Variants in MYO10 observed in about 807,000 individuals in gnomAD.
The protein encoded by MYO10 is unconventional myosin-X.
MYO10 carries 133 observed loss-of-function variants against 257.3 expected under a neutral mutation model. The observed-to-expected ratio is 0.52, with a 90% confidence interval of 0.45 to 0.60. The LOEUF is 0.60. MYO10 is among the 20% of genes least tolerant of loss of function. The probability of loss-of-function intolerance (pLI) is 0.00; values close to 1 mark genes in which losing one functional copy is unlikely to be tolerated. For missense variants in MYO10, 2,399 were observed against 2,635.7 expected (o/e 0.91, Z 1.97); for synonymous variants, 1,104 against 1,028.6 (o/e 1.07, Z -1.40).
intron 19 of MYO10, among the ~76,000 whole-genome samples, chr5:16,711,511 C>A (rs1431841710): frequency 6.6e-6 from 1 of 152,188 alleles, no homozygotes; most frequent in Non-Finnish European, 1.5e-5. Flanking sequence ...CAGCCGGGCA[C>A]GGTGGCTCGC....
chr5:16,836,840 A>G lies in MYO10; in HGVS notation c.121-18673T>C, dbSNP rs564271054. 9.8e-5 allele frequency among the ~76,000 whole-genome samples: 15 copies of G among 152,330 alleles called. No individual in the cohort carries two copies. In the South Asian group the frequency reaches 3.1e-3, roughly 32 times the overall value. On this transcript the variant is annotated intron_variant, in intron 2 of 40. Transcript: ENST00000513610. ...CCATATGATCCAGCAATTCACTCCT[A>G]GATATATACCCAAGAAAAATAAAAA...
At chr5:16,748,173 G>A (rs1257984162) in intron 19 of MYO10, among the ~76,000 whole-genome samples, 2 of 152,146 alleles carry the variant, frequency 1.3e-5, no homozygotes, top group East Asian at 3.9e-4. Flanking sequence ...AGGCTCGGAT[G>A]ATCCTCCCAC....
chr5:16,818,407 T>TATATATATATAC (rs1561000883), intron 2 of MYO10, among the ~76,000 whole-genome samples: 1 of 88,626 alleles, frequency 1.1e-5, no homozygotes, highest in African/African-American at 4.1e-5. Flanking sequence ...TGTGTGTGTG[T>TATATATATATAC]GTGTATATAT....
chr5:16,924,107 C>A (rs2016983), intron 1 of MYO10, among the ~76,000 whole-genome samples: 73,614 of 151,876 alleles, frequency 0.48, 18,322 homozygotes, highest in African/African-American at 0.58. Flanking sequence ...TAAAGTAAAA[C>A]TCCATACAAA....
intron 32 of MYO10, among the ~76,000 whole-genome samples, chr5:16,681,069 T>A (rs1736974098): frequency 6.6e-6 from 1 of 152,218 alleles, no homozygotes; most frequent in South Asian, 2.1e-4. Context: ...GCCCTGCATC[T>A]GTTGACATTT....
At position 16,708,428 on chromosome 5, in the gene MYO10, T is replaced by C. The variant is rs190409981; in HGVS notation, c.2169+2480A>G. On this transcript the variant is annotated intron_variant, in intron 21 of 40. Coordinates refer to ENST00000513610, the MANE Select transcript of MYO10 (RefSeq NM_012334.3). The stretch of plus-strand genomic sequence containing the variant: ...AAGCCTGCCTTGGGCCTGATTTCCA[T>C]AATGTAAATTCTAAGTGAAGCTGGA... Among the ~76,000 whole-genome samples, 5 of 152,318 alleles carry C rather than the reference T, an allele frequency of 3.3e-5. No homozygotes were observed. In the East Asian group the frequency reaches 9.6e-4, roughly 29 times the overall value.
intron 40 of MYO10, 69 bp from the exon 41 acceptor site, chr5:16,666,862 A>C (rs1579776274): frequency 3.2e-6 from 4 of 1,263,692 alleles, no homozygotes; most frequent in Non-Finnish European, 3.3e-6. Flanking sequence ...CTGCCTAATA[A>C]TCCAGACATT....
Position 16,701,864 on chromosome 5 carries a change from C to T in MYO10, c.2557-26G>A. 1.3e-6 allele frequency: 2 copies of T among 1,558,174 alleles called. No homozygotes were observed. Among genetic ancestry groups the T allele is most frequent in the African/African-American group, 2.8e-5 (2 of 72,678 alleles). On this transcript the variant is annotated intron_variant, in intron 24 of 40. Transcript: ENST00000513610. The surrounding 1 kb of genome is among the most constrained non-coding windows in gnomAD (Gnocchi z 8.1). ...CTGGACAGAAGCAGAAGGGAGATTTCAGAAGGCTTCAGTACAAAAGTCCAA... is the reference window on the plus strand; with the variant it reads ...CTGGACAGAAGCAGAAGGGAGATTTTAGAAGGCTTCAGTACAAAAGTCCAA...
intron 2 of MYO10, among the ~76,000 whole-genome samples, chr5:16,868,016 A>G (rs1744330465): frequency 6.6e-6 from 1 of 152,248 alleles, no homozygotes; most frequent in African/African-American, 2.4e-5. Context: ...AATGGGCTGC[A>G]GTAAACTGAA....
intron 2 of MYO10, among the ~76,000 whole-genome samples, chr5:16,858,390 A>C (rs1268030057): frequency 4.0e-5 from 6 of 151,108 alleles, no homozygotes. Context: ...AACATCTGTC[A>C]CTTCAACATA....
chr5:16,761,227 G>A (rs927383887), intron 17 of MYO10, among the ~76,000 whole-genome samples: 10 of 152,138 alleles, frequency 6.6e-5, no homozygotes, highest in African/African-American at 1.9e-4. Context: ...CTGACCTCAC[G>A]TGATTTGCCC....
chr5:16,794,983 T>C (rs1256683744), intron 3 of MYO10, 150 bp from the exon 4 acceptor site: 7 of 550,250 alleles, frequency 1.3e-5, no homozygotes, highest in East Asian at 1.0e-4. Context: ...TACCAAATCT[T>C]GATATTCTGG....
intron 2 of MYO10, among the ~76,000 whole-genome samples, chr5:16,839,401 G>T (rs1356621875): frequency 6.6e-6 from 1 of 152,154 alleles, no homozygotes; most frequent in Non-Finnish European, 1.5e-5. Flanking sequence ...ACTAGAATTA[G>T]AAGTGGAGCC....
intron 1 of MYO10, among the ~76,000 whole-genome samples, chr5:16,898,813 C>A (rs371721644): frequency 2.0e-5 from 3 of 152,040 alleles, no homozygotes; most frequent in Admixed American, 2.0e-4. Context: ...GGCTAAAGCA[C>A]TGGACAGACC....
chr5:16,674,520 A>C (rs920957682), intron 35 of MYO10, among the ~76,000 whole-genome samples: 1 of 151,842 alleles, frequency 6.6e-6, no homozygotes, highest in Non-Finnish European at 1.5e-5. Flanking sequence ...TCAAAATCTC[A>C]ATTAGATTGT....
chr5:16,695,386 C>T (rs1400573052), intron 26 of MYO10, among the ~76,000 whole-genome samples: 1 of 152,160 alleles, frequency 6.6e-6, no homozygotes, highest in Admixed American at 6.5e-5. Context: ...AATGTGCGAA[C>T]AAGAATTATC....
chr5:16,919,181 C>A (rs74452093), intron 1 of MYO10, among the ~76,000 whole-genome samples: 10,488 of 152,082 alleles, frequency 0.069, 427 homozygotes, highest in African/African-American at 0.11. Flanking sequence ...AGTTCAAGAC[C>A]AGACTGGCCA....
Position 16,676,051 on chromosome 5 carries a change from T to A in MYO10, c.4646A>T (p.Tyr1549Phe), listed in dbSNP as rs758956709. 2 of 1,610,212 alleles carry A rather than the reference T, an allele frequency of 1.2e-6. No individual in the cohort carries two copies. The highest frequency in any genetic ancestry group is 1.7e-6 in the Non-Finnish European group (2 of 1,178,836). ...PLHSPLLPLPYGDINLNLLKD... is the reference protein window; with the variant it reads ...PLHSPLLPLPFGDINLNLLKD... ...CTTACAGTTGAGATTTATGTCCCCA[T>A]ACGGAAGGGGCAGGAGCGGGGAGTG... is the stretch of plus-strand genomic sequence containing the variant. The change falls in exon 34 of 41, where the codon TAT becomes TTT. Residue 1549 changes from tyrosine (Y) to phenylalanine (F), a missense_variant. Coordinates refer to ENST00000513610, the MANE Select transcript of MYO10 (RefSeq NM_012334.3).
chr5:16,754,931 AT>A, intron 18 of MYO10, 23 bp from the exon 19 acceptor site: 1 of 1,481,260 alleles, frequency 6.8e-7, no homozygotes, highest in Non-Finnish European at 9.3e-7. Flanking sequence ...GTATATGTTG[AT>A]TTAGTCTCTT....
Sources: allele counts gnomAD v4.1 joint callset (sites outside exome capture counted in the v4.1 genomes callset), GRCh38; gene constraint gnomAD v4.1.1; non-coding constraint Gnocchi (gnomAD v3.1); transcripts MANE v1.5; gene names NCBI Gene and HGNC (gene_info 2026-07-23, HGNC 2026-07-21).